BRD7: variants seen among roughly 807,000 people sequenced by gnomAD.
The protein encoded by BRD7 is bromodomain-containing protein 7.
Under a neutral mutation model 82.1 loss-of-function variants are expected in BRD7, and 15 were observed. The ratio of observed to expected loss-of-function variants is 0.18; its 90% confidence interval spans 0.12 to 0.28. The LOEUF is 0.28. Ranked by LOEUF, BRD7 falls within the 10% of genes least tolerant of loss-of-function variation. The probability of loss-of-function intolerance (pLI) is 1.00; values close to 1 mark genes in which losing one functional copy is unlikely to be tolerated. For missense variants in BRD7, 638 were observed against 779.9 expected (o/e 0.82, Z 2.17); for synonymous variants, 232 against 266.9 (o/e 0.87, Z 1.27).
intron 2 of BRD7, among the ~76,000 whole-genome samples, chr16:50,366,503 A>G (rs2039148521): frequency 6.6e-6 from 1 of 152,272 alleles, no homozygotes; most frequent in Non-Finnish European, 1.5e-5. Context: ...TTAAGATCAG[A>G]TCTATATTTG....
intron 11 of BRD7, among the ~76,000 whole-genome samples, chr16:50,325,130 C>T (rs928426273): frequency 6.6e-6 from 1 of 152,200 alleles, no homozygotes; most frequent in African/African-American, 2.4e-5. Context: ...ATAACCCAAG[C>T]TCAGTGTCCC....
intron 2 of BRD7, among the ~76,000 whole-genome samples, chr16:50,358,253 G>A (rs913657465): frequency 2.0e-5 from 3 of 146,892 alleles, no homozygotes; most frequent in African/African-American, 5.0e-5. Flanking sequence ...GGCTGGATGC[G>A]GTGGCTCACC....
rs190118859 is a variant in BRD7 at position 50,367,144 on chromosome 16, T to C, written c.258+946A>G. 1.2e-3 allele frequency among the ~76,000 whole-genome samples: 181 copies of C among 152,288 alleles called. 2 individuals carry two copies. Among genetic ancestry groups the C allele is most frequent in the South Asian group, 2.1e-4 (1 of 4,826 alleles). ...TAAGAAAAATTACATAACTAACCTA[T>C]GAAAATTTACCTTCACAATAATTGA... On this transcript the variant is annotated intron_variant, in intron 2 of 16. Coordinates refer to ENST00000394688, the MANE Select transcript of BRD7 (RefSeq NM_013263.5).
chr16:50,338,532 T>C (rs1324425167), intron 6 of BRD7, among the ~76,000 whole-genome samples: 1 of 152,194 alleles, frequency 6.6e-6, no homozygotes, highest in East Asian at 1.9e-4. Flanking sequence ...CACGACTCAT[T>C]TTTATCATCC....
chr16:50,341,580 T>G (rs373872648), intron 5 of BRD7, among the ~76,000 whole-genome samples: 79 of 147,714 alleles, frequency 5.3e-4, no homozygotes, highest in African/African-American at 1.9e-3. Flanking sequence ...AACGTGGAGG[T>G]TGCAGTGAGC....
Position 50,340,091 on chromosome 16 carries a change from A to G in BRD7, c.592-5T>C, listed in dbSNP as rs768448239. The G allele has an allele frequency of 6.1e-6, 9 of 1,487,264 alleles. No homozygotes were observed. Among genetic ancestry groups the G allele is most frequent in the Non-Finnish European group, 7.3e-6 (8 of 1,096,460 alleles). The allele number at this position is 1,487,264 out of a possible 1,614,324, so 92.1% of individuals were successfully genotyped here. ...ACACATTAGTTTGAAGTTATCCTGC[A>G]GAAAGAACATTAAGGGAGAAAATGC... On this transcript the variant is annotated splice_polypyrimidine_tract_variant and splice_region_variant and intron_variant, in intron 5 of 16. Coordinates refer to ENST00000394688, the MANE Select transcript of BRD7 (RefSeq NM_013263.5).
Position 50,320,768 on chromosome 16 carries a change from C to T in BRD7, c.1507G>A (p.Glu503Lys). Reference protein sequence around the residue: ...LDTAKEMEITEVEPPGRLDSS... With the variant: ...LDTAKEMEITKVEPPGRLDSS... ...TCCAAACGCCCTGGTGGCTCTACTT[C>T]TGTAATCTGCTTCAAAAGGAAAAAC... Residue 503 changes from glutamate (E) to lysine (K), a missense_variant, in exon 14 of 17, where the codon GAA becomes AAA. Transcript: ENST00000394688. 6.2e-7 allele frequency: 1 copy of T among 1,612,008 alleles called. No homozygotes were observed.
intron 5 of BRD7, among the ~76,000 whole-genome samples, chr16:50,343,692 C>T (rs1022661762): frequency 9.2e-5 from 14 of 152,168 alleles, no homozygotes; most frequent in African/African-American, 2.9e-4. Flanking sequence ...GCCCACGGAG[C>T]CTCACTCACT....
rs780953437 is a variant in BRD7 at position 50,368,291 on chromosome 16, T to C, written c.57A>G (p.Val19=). 1.2e-6 allele frequency: 2 copies of C among 1,611,866 alleles called. No homozygotes were observed. Among genetic ancestry groups the C allele is most frequent in the Non-Finnish European group, 1.7e-6 (2 of 1,179,494 alleles). ...KSDKHLYEEY[V]EKPLKLVLKV... The stretch of plus-strand genomic sequence containing the variant: ...TGAGGACCAGCTTCAAGGGCTTCTC[T>C]ACATACTCTTAAAAAAAGAAAAGAA... The change falls in exon 2 of 17, where the codon GTA becomes GTG. Residue 19 remains valine, a synonymous_variant. Transcript: ENST00000394688.
chr16:50,366,936 A>G (rs2039171121), intron 2 of BRD7, among the ~76,000 whole-genome samples: 1 of 152,208 alleles, frequency 6.6e-6, no homozygotes, highest in South Asian at 2.1e-4. Flanking sequence ...AAATGCATAT[A>G]TGGGTTTTAT....
intron 4 of BRD7, among the ~76,000 whole-genome samples, chr16:50,351,300 C>T (rs933457466): frequency 6.6e-6 from 1 of 152,216 alleles, no homozygotes; most frequent in African/African-American, 2.4e-5. Flanking sequence ...GAGTAGAAAT[C>T]TGACTCAGGT....
Position 50,354,825 on chromosome 16 carries a change from T to G in BRD7, c.356A>C (p.Lys119Thr), listed in dbSNP as rs2038671082. ...TTTGGCTAAAGAGCTTGTGAGAGGC[T>G]TCTCAGGAGGCAAGTCTAATCTCAC... is the stretch of plus-strand genomic sequence containing the variant. ...APVRLDLPPE[K>T]PLTSSLAKQE... The change falls in exon 3 of 17, where the codon AAG (lysine) becomes ACG (threonine). Residue 119 changes from lysine (K) to threonine (T), a missense_variant. Physicochemically the swap from Lys to Thr is moderately conservative, Grantham distance 78 (BLOSUM62 -1). Around this residue, in one of 3 missense-constraint regions of BRD7, gnomAD observed 172 missense variants for 155.3 expected, o/e 1.11. Coordinates refer to ENST00000394688, the MANE Select transcript of BRD7 (RefSeq NM_013263.5). 1 of 1,612,268 alleles carries G rather than the reference T, an allele frequency of 6.2e-7. No homozygotes were observed. The highest frequency in any genetic ancestry group is 1.7e-5 in the Admixed American group (1 of 59,948).
At chr16:50,340,547 C>T (rs979265401) in intron 5 of BRD7, among the ~76,000 whole-genome samples, 1 of 152,112 alleles carries the variant, frequency 6.6e-6, no homozygotes, top group African/African-American at 2.4e-5. Context: ...TGACTGAAAA[C>T]GGAGCAGTCC....
chr16:50,340,125 AAAAC>A (rs2037986023), intron 5 of BRD7, 39 bp from the exon 6 acceptor site: 4 of 1,176,180 alleles, frequency 3.4e-6, no homozygotes, highest in Non-Finnish European at 4.8e-6. Context: ...GCATTAATGC[AAAAC>A]AAACTACCCT....
chr16:50,363,839 T>G (rs1255527900), intron 2 of BRD7, among the ~76,000 whole-genome samples: 1 of 152,170 alleles, frequency 6.6e-6, no homozygotes, highest in African/African-American at 2.4e-5. Context: ...AAGGATCACC[T>G]GACCCCAGAA....
intron 5 of BRD7, 146 bp downstream of exon 5, chr16:50,349,877 A>C (rs908673260): frequency 1.1e-5 from 8 of 703,036 alleles, no homozygotes; most frequent in Non-Finnish European, 1.8e-5. Context: ...AAGCTCATAA[A>C]GTTTTCTGAA....
At position 50,333,626 on chromosome 16, in the gene BRD7, C is replaced by A. The variant is rs375451688; in HGVS notation, c.959G>T (p.Arg320Leu). The change falls in exon 8 of 17, where the codon CGC (arginine) becomes CTC (leucine). Residue 320 changes from arginine (R) to leucine (L), a missense_variant. Arg to Leu is a moderately radical substitution (Grantham distance 102). This residue lies in a region of BRD7 where 402 missense variants were observed against 500.8 expected (regional missense o/e 0.80). Transcript: ENST00000394688. ...CTTTCCTCCAGATTCCTTCACGATG[C>A]GGTCAAGCTGCTCCTGCTCTCTCTC... ...NLEREQEQLD[R>L]IVKESGGKLT... 6 of 1,611,542 alleles carry A rather than the reference C, an allele frequency of 3.7e-6. No homozygotes were observed. The highest frequency in any genetic ancestry group is 1.3e-5 in the African/African-American group (1 of 74,818).
intron 8 of BRD7, among the ~76,000 whole-genome samples, chr16:50,330,639 C>T (rs1281751017): frequency 6.6e-6 from 1 of 152,162 alleles, no homozygotes; most frequent in East Asian, 1.9e-4. Context: ...ATATATGTGT[C>T]ATGTGTATGT....
rs184894766 is a variant in BRD7, at chr16:50,366,014, C to T, written c.258+2076G>A. Among the ~76,000 whole-genome samples, 229 of 152,248 alleles carry T rather than the reference C, an allele frequency of 1.5e-3. 1 individual carries two copies. Among genetic ancestry groups the T allele is most frequent in the African/African-American group, 5.3e-3 (220 of 41,544 alleles). On this transcript the variant is annotated intron_variant, in intron 2 of 16. Transcript: ENST00000394688. Reference sequence around the variant, plus strand: ...CCTAAAAATTTCAAGTTAGCAAATACTGGTCATATGCAAAGGACTAAGAAT... The same window carrying T: ...CCTAAAAATTTCAAGTTAGCAAATATTGGTCATATGCAAAGGACTAAGAAT...
Sources: gnomAD v4.1 joint callset for allele counts (sites outside exome capture counted in the v4.1 genomes callset) on GRCh38, gnomAD v4.1.1 for gene constraint, gnomAD v4.1.1 regional missense constraint, MANE v1.5 for transcripts, NCBI Gene and HGNC (gene_info 2026-07-23, HGNC 2026-07-21) for gene names.